EPB41L2: variants seen among roughly 807,000 people sequenced by gnomAD.
EPB41L2 encodes the protein erythrocyte membrane protein band 4.1 like 2.
Under a neutral mutation model 113.0 loss-of-function variants are expected in EPB41L2, and 43 were observed. That is an observed-to-expected ratio of 0.38 (90% CI 0.30 to 0.49). The LOEUF (loss-of-function observed/expected upper bound fraction) is 0.49. Ranked by LOEUF, EPB41L2 falls within the 20% of genes least tolerant of loss-of-function variation. The probability of loss-of-function intolerance (pLI) is 0.95; values close to 1 mark genes in which losing one functional copy is unlikely to be tolerated. For missense variants in EPB41L2, 1,147 were observed against 1,223.4 expected (o/e 0.94, Z 0.93); for synonymous variants, 442 against 436.7 (o/e 1.01, Z -0.15).
intron 4 of EPB41L2, among the ~76,000 whole-genome samples, chr6:130,910,599 A>G (rs1467547227): frequency 1.3e-5 from 2 of 152,234 alleles, no homozygotes; most frequent in African/African-American, 2.4e-5. Context: ...TAACCTACAG[A>G]ATGGGAGAAA....
chr6:130,860,342 T>C (rs549127010), intron 18 of EPB41L2, among the ~76,000 whole-genome samples: 16 of 152,238 alleles, frequency 1.1e-4, no homozygotes, highest in Non-Finnish European at 2.1e-4. Flanking sequence ...TACACTCTAA[T>C]TCACAGAAAG....
chr6:130,945,292 C>G (rs1812424157), intron 3 of EPB41L2, among the ~76,000 whole-genome samples: 1 of 152,240 alleles, frequency 6.6e-6, no homozygotes, highest in East Asian at 1.9e-4. Flanking sequence ...AAAACACACT[C>G]AAAGTAATGA....
chr6:131,027,531 C>G (rs1031019808), intron 1 of EPB41L2, among the ~76,000 whole-genome samples: 5 of 152,200 alleles, frequency 3.3e-5, no homozygotes, highest in Non-Finnish European at 4.4e-5. Flanking sequence ...CCTCACAAAC[C>G]TGCAGAGACT....
In EPB41L2 at chr6:130,839,720, T is replaced by A. The variant is rs180692983; in HGVS notation, c.*884A>T. On this transcript the variant is annotated 3_prime_UTR_variant, in exon 20 of 20. Transcript: ENST00000337057. ...GAGTTCTACCCAAGTGTTCAAATAA[T>A]GGAAAGAATTGAAATGTGGGTATGT... 12 of 152,300 alleles carry A rather than the reference T, an allele frequency of 7.9e-5. No individual in the cohort carries two copies. The highest frequency in any genetic ancestry group is 1.5e-4 in the Non-Finnish European group (10 of 68,012). The allele number at this position is 152,300 out of a possible 1,614,324, so 9.4% of individuals were successfully genotyped here. A position where few individuals can be genotyped will look rare whatever the true frequency, so the allele number is the denominator to read the frequency against.
At chr6:130,904,424 C>T in intron 6 of EPB41L2, 41 bp downstream of exon 6, 1 of 1,374,484 alleles carries the variant, frequency 7.3e-7, no homozygotes, top group Non-Finnish European at 1.0e-6. Context: ...TAAACGAGAG[C>T]TGTAAGGAAA....
chr6:131,046,462 A>G (rs1795482406), intron 1 of EPB41L2, among the ~76,000 whole-genome samples: 1 of 152,232 alleles, frequency 6.6e-6, no homozygotes, highest in South Asian at 2.1e-4. Context: ...AAAAAACAGT[A>G]TTAAATACCT....
At chr6:130,919,070 T>C (rs3777454) in intron 4 of EPB41L2, among the ~76,000 whole-genome samples, 41,198 of 152,058 alleles carry the variant, frequency 0.27, 7,186 homozygotes, top group African/African-American at 0.48. Context: ...AGATTATATA[T>C]GAATAATTAA....
intron 3 of EPB41L2, among the ~76,000 whole-genome samples, chr6:130,940,064 A>C (rs1297891924): frequency 6.6e-6 from 1 of 152,228 alleles, no homozygotes. Context: ...AGACTGAAAA[A>C]GGATAGGAGG....
At chr6:131,038,397 T>C (rs1013264951) in intron 1 of EPB41L2, among the ~76,000 whole-genome samples, 1 of 152,204 alleles carries the variant, frequency 6.6e-6, no homozygotes, top group African/African-American at 2.4e-5. Context: ...AATCAAATTA[T>C]TCTAGTTGCT....
intron 1 of EPB41L2, among the ~76,000 whole-genome samples, chr6:131,022,113 G>A (rs754943771): frequency 3.3e-5 from 5 of 152,184 alleles, no homozygotes; most frequent in South Asian, 2.1e-4. Flanking sequence ...GTCCCATCAC[G>A]GGGGTGATGG....
At chr6:130,867,976 T>A (rs79551680) in intron 15 of EPB41L2, 2,035 of 69,898 alleles carry the variant, frequency 0.029, 90 homozygotes, top group South Asian at 0.065. Flanking sequence ...ACACACACTC[T>A]CTCTCTCTCT....
chr6:130,890,372 C>T lies in EPB41L2; in HGVS notation c.1582G>A (p.Ala528Thr). 3 of 1,613,586 alleles carry T rather than the reference C, an allele frequency of 1.9e-6. No homozygotes were observed. The highest frequency in any genetic ancestry group is 2.5e-6 in the Non-Finnish European group (3 of 1,179,866). Residue 528 changes from alanine (A) to threonine (T), a missense_variant, in exon 11 of 20, where the codon GCC (alanine) becomes ACC (threonine). Ala to Thr is a moderately conservative substitution (Grantham distance 58). Transcript: ENST00000337057. ...GCTGGCCTATCTATGAGGGTGCTGG[C>T]CTGGCGGGTCTGTGCTTGGGTGCGG... ...SGRTQAQTRQ[A>T]STLIDRPAPH...
intron 1 of EPB41L2, among the ~76,000 whole-genome samples, chr6:131,054,116 G>A (rs1167611912): frequency 3.9e-5 from 6 of 152,208 alleles, no homozygotes; most frequent in African/African-American, 1.2e-4. Flanking sequence ...CTCATGGCTC[G>A]TATTAGGGGA....
chr6:130,928,181 A>T (rs1189153821), intron 3 of EPB41L2, among the ~76,000 whole-genome samples: 1 of 152,216 alleles, frequency 6.6e-6, no homozygotes, highest in African/African-American at 2.4e-5. Context: ...TTAATAGTCA[A>T]TTAAATTACT....
At chr6:130,867,763 A>G in intron 15 of EPB41L2, 182 bp from the exon 16 acceptor site, 2 of 650,270 alleles carry the variant, frequency 3.1e-6, no homozygotes, top group East Asian at 3.0e-5. Flanking sequence ...TCCTTCAAAT[A>G]TATCATATAT....
In EPB41L2 at chr6:130,891,222, C is replaced by G. The variant is rs539484296; in HGVS notation, c.1488-756G>C. 7.2e-5 allele frequency among the ~76,000 whole-genome samples: 11 copies of G among 152,154 alleles called. No individual in the cohort carries two copies. In the South Asian group the frequency reaches 2.3e-3, roughly 32 times the overall value. Reference sequence around the variant, plus strand: ...CAACTCAAAAACATGAAGAATTCCACCGAAACTTTTCCTATCATTTACTAT... The same window carrying G: ...CAACTCAAAAACATGAAGAATTCCAGCGAAACTTTTCCTATCATTTACTAT... On this transcript the variant is annotated intron_variant, in intron 10 of 19. Coordinates refer to ENST00000337057, the MANE Select transcript of EPB41L2 (RefSeq NM_001431.4).
At chr6:130,926,062 A>T (rs1804632774) in intron 4 of EPB41L2, among the ~76,000 whole-genome samples, 1 of 152,216 alleles carries the variant, frequency 6.6e-6, no homozygotes, top group Admixed American at 6.5e-5. Context: ...TGTTCTGCTG[A>T]CTGTGATTTG....
Position 130,924,693 on chromosome 6 carries a change from T to C in EPB41L2, c.810+1912A>G, listed in dbSNP as rs1202483452. On this transcript the variant is annotated intron_variant, in intron 4 of 19. Coordinates refer to ENST00000337057, the MANE Select transcript of EPB41L2 (RefSeq NM_001431.4). ...CCATGCCCGGCCACTAGTTCTATTT[T>C]TAATTTTCTGTGGAACTTCCACACT... Among the ~76,000 whole-genome samples, 6 of 152,250 alleles carry C rather than the reference T, an allele frequency of 3.9e-5. No individual in the cohort carries two copies. The East Asian group carries it at 1.2e-3, about 29-fold the overall frequency.
At chr6:130,993,322 G>A (rs1009574816) in intron 1 of EPB41L2, among the ~76,000 whole-genome samples, 1 of 152,076 alleles carries the variant, frequency 6.6e-6, no homozygotes, top group African/African-American at 2.4e-5. Flanking sequence ...CCTTGTCCCA[G>A]GGAAATTAGG....
Sources: gnomAD v4.1 joint callset for allele counts (sites outside exome capture counted in the v4.1 genomes callset) on GRCh38, gnomAD v4.1.1 for gene constraint, MANE v1.5 for transcripts, NCBI Gene and HGNC (gene_info 2026-07-23, HGNC 2026-07-21) for gene names.